ARNT2: variants seen among roughly 807,000 people sequenced by gnomAD.
ARNT2 encodes aryl hydrocarbon receptor nuclear translocator 2, also known as ARNT protein 2.
A neutral mutation model predicts 91.7 loss-of-function variants in ARNT2; 36 were observed. That is an observed-to-expected ratio of 0.39 (90% CI 0.30 to 0.52). The LOEUF (loss-of-function observed/expected upper bound fraction) is 0.52. Among genes scored for constraint, ARNT2 ranks in the 20% least tolerant of loss-of-function variants. ARNT2 has a pLI of 0.72. For missense variants in ARNT2, 775 were observed against 939.3 expected (o/e 0.83, Z 2.29); for synonymous variants, 365 against 347.1 (o/e 1.05, Z -0.57).
At chr15:80,436,147 G>C (rs1216184296) in intron 1 of ARNT2, 2 of 152,228 alleles carry the variant, frequency 1.3e-5, no homozygotes, top group South Asian at 4.1e-4. Flanking sequence ...GTGGGGCAGC[G>C]GTAGGTGAAG....
chr15:80,499,890 G>A (rs1203805977), intron 5 of ARNT2, among the ~76,000 whole-genome samples: 1 of 152,168 alleles, frequency 6.6e-6, no homozygotes, highest in African/African-American at 2.4e-5. Context: ...GGTAGAGGAG[G>A]TAATGGGTAA....
chr15:80,415,041 AT>A (rs1368545775), intron 1 of ARNT2, among the ~76,000 whole-genome samples: 84 of 152,196 alleles, frequency 5.5e-4, no homozygotes. Flanking sequence ...GACCCCCTCC[AT>A]TTCTTTCCTG....
At chr15:80,455,236 G>A (rs1230032190) in intron 2 of ARNT2, among the ~76,000 whole-genome samples, 1 of 152,160 alleles carries the variant, frequency 6.6e-6, no homozygotes, top group Non-Finnish European at 1.5e-5. Flanking sequence ...TTGCTGATGA[G>A]CCAGTGAGAC....
intron 14 of ARNT2, among the ~76,000 whole-genome samples, chr15:80,575,351 C>T (rs916827196): frequency 1.3e-5 from 2 of 152,056 alleles, no homozygotes; most frequent in Admixed American, 6.5e-5. Flanking sequence ...TATCGCATTG[C>T]GGGTGAACAT....
intron 5 of ARNT2, among the ~76,000 whole-genome samples, chr15:80,485,263 T>A (rs569405772): frequency 6.6e-6 from 1 of 152,308 alleles, no homozygotes; most frequent in East Asian, 1.9e-4. Flanking sequence ...AAGTGTGACA[T>A]GTGCTTGAGA....
intron 5 of ARNT2, among the ~76,000 whole-genome samples, chr15:80,488,187 A>G (rs1897004109): frequency 6.6e-6 from 1 of 152,182 alleles, no homozygotes; most frequent in African/African-American, 2.4e-5. Flanking sequence ...CCCAACTCCC[A>G]ATAACAGTGC....
At chr15:80,505,107 G>C (rs1332475811) in intron 5 of ARNT2, among the ~76,000 whole-genome samples, 1 of 152,248 alleles carries the variant, frequency 6.6e-6, no homozygotes, top group Non-Finnish European at 1.5e-5. Flanking sequence ...CTTGCCTCCT[G>C]TGTGCGAATC....
chr15:80,417,369 G>T (rs1016621062), intron 1 of ARNT2, among the ~76,000 whole-genome samples: 3 of 152,098 alleles, frequency 2.0e-5, no homozygotes, highest in African/African-American at 7.2e-5. Context: ...AAACAAATTT[G>T]CGTTTTACTG....
chr15:80,497,008 G>A (rs1380764171), intron 5 of ARNT2, among the ~76,000 whole-genome samples: 1 of 152,144 alleles, frequency 6.6e-6, no homozygotes, highest in African/African-American at 2.4e-5. Context: ...TCAACCCCTG[G>A]CTAGCTGCTT....
Position 80,440,710 on chromosome 15 carries a change from G to A in ARNT2, c.32-10170G>A, listed in dbSNP as rs190354689. ...GGGCTCAGGCAGGCATCCAGGGCTC[G>A]GTATCCAGGCTGGAAGCACCAGCCA... On this transcript the variant is annotated intron_variant, in intron 1 of 18. Coordinates refer to ENST00000303329, the MANE Select transcript of ARNT2 (RefSeq NM_014862.4). Among the ~76,000 whole-genome samples, 416 of 152,276 alleles carry A rather than the reference G, an allele frequency of 2.7e-3. 3 individuals are homozygous for A. Among genetic ancestry groups the A allele is most frequent in the Non-Finnish European group, 4.4e-3 (298 of 68,010 alleles).
chr15:80,519,069 T>C (rs1897489802), intron 8 of ARNT2, among the ~76,000 whole-genome samples: 1 of 152,170 alleles, frequency 6.6e-6, no homozygotes, highest in African/African-American at 2.4e-5. Context: ...AAAATATTGT[T>C]TCATTCATTC....
intron 2 of ARNT2, among the ~76,000 whole-genome samples, chr15:80,453,293 C>T (rs900403084): frequency 2.6e-5 from 4 of 152,142 alleles, no homozygotes; most frequent in Non-Finnish European, 5.9e-5. Context: ...AAGGGCAGGA[C>T]CTGTGGAAGG....
intron 11 of ARNT2, chr15:80,556,802 G>C (rs780692586): frequency 6.6e-6 from 1 of 152,110 alleles, no homozygotes; most frequent in Non-Finnish European, 1.5e-5. Flanking sequence ...GCACCGTCCC[G>C]CCACACAGGT....
rs375328896 is a variant in ARNT2, at chr15:80,437,922, T to TACACACGC, written c.32-12952_32-12951insGCACACAC. 2.1e-5 allele frequency among the ~76,000 whole-genome samples: 3 copies of TACACACGC among 141,662 alleles called. No individual in the cohort carries two copies. The East Asian group carries it at 6.2e-4, about 29-fold the overall frequency. 92.9% of individuals were successfully genotyped at this position (141,662 alleles called of 152,430 possible). ...TGTTCCTTTTTAAAATGTATTTACC[T>TACACACGC]ACACACACACACACACACACACACA... On this transcript the variant is annotated intron_variant, in intron 1 of 18. Transcript: ENST00000303329.
intron 3 of ARNT2, among the ~76,000 whole-genome samples, chr15:80,466,787 A>G (rs1245794260): frequency 6.6e-6 from 1 of 152,248 alleles, no homozygotes; most frequent in Non-Finnish European, 1.5e-5. Context: ...GTAACTCAGT[A>G]TTATTTCATA....
At chr15:80,492,712 G>T (rs1897074037) in intron 5 of ARNT2, among the ~76,000 whole-genome samples, 1 of 152,134 alleles carries the variant, frequency 6.6e-6, no homozygotes, top group African/African-American at 2.4e-5. Flanking sequence ...GTGTATGTGT[G>T]TGTGTGTGAC....
intron 5 of ARNT2, among the ~76,000 whole-genome samples, chr15:80,481,980 C>T (rs1896898721): frequency 6.6e-6 from 1 of 152,214 alleles, no homozygotes; most frequent in Non-Finnish European, 1.5e-5. Flanking sequence ...TAGCTTGCTG[C>T]AGCCTCTCTT....
intron 5 of ARNT2, among the ~76,000 whole-genome samples, chr15:80,484,079 T>C (rs1896929169): frequency 6.6e-6 from 1 of 152,210 alleles, no homozygotes; most frequent in African/African-American, 2.4e-5. Flanking sequence ...CTTATTTTCT[T>C]TGGAATGCCC....
rs1897299573 is a variant in ARNT2 at position 80,508,164 on chromosome 15, T to G, written c.631T>G (p.Leu211Val). The G allele has an allele frequency of 1.9e-6, 3 of 1,614,084 alleles. No homozygotes were observed. Among genetic ancestry groups the G allele is most frequent in the Non-Finnish European group, 2.5e-6 (3 of 1,179,958 alleles). Reference protein sequence around the residue: ...TSENSMTGRILDLKTGTVKKE... With the variant: ...TSENSMTGRIVDLKTGTVKKE... The stretch of plus-strand genomic sequence containing the variant: ...CCTTCTCTCTCTCTTAGGCCGGATC[T>G]TGGACCTGAAGACTGGGACGGTCAA... Residue 211 changes from leucine (L) to valine (V), a missense_variant, in exon 6 of 19, where the codon TTG (leucine) becomes GTG (valine). Physicochemically the swap from Leu to Val is conservative, Grantham distance 32. Coordinates refer to ENST00000303329, the MANE Select transcript of ARNT2 (RefSeq NM_014862.4).
Sources: gnomAD v4.1 joint callset for allele counts (sites outside exome capture counted in the v4.1 genomes callset) on GRCh38, gnomAD v4.1.1 for gene constraint, MANE v1.5 for transcripts, NCBI Gene and HGNC (gene_info 2026-07-23, HGNC 2026-07-21) for gene names.